SLC27A6: variants seen among roughly 807,000 people sequenced by gnomAD.
SLC27A6 encodes the protein long-chain fatty acid transport protein 6.
SLC27A6 carries 74 observed loss-of-function variants against 63.9 expected under a neutral mutation model. The observed-to-expected ratio is 1.16, with a 90% CI of 0.96 to 1.40. SLC27A6 has a LOEUF of 1.40. Ranked by LOEUF, SLC27A6 falls within the 40% of genes most tolerant of loss-of-function variation. SLC27A6 has a pLI of 0.00. For synonymous variants in SLC27A6, 287 were observed against 260.8 expected, an observed-to-expected ratio of 1.10 and a Z score of -0.97; for missense variants, 794 against 732.9, an observed-to-expected ratio of 1.08 and a Z score of -0.96.
rs1225740631 is a variant in SLC27A6, at chr5:128,997,746, C to T, written c.969+7282C>T. Among the ~76,000 whole-genome samples the T allele has an allele frequency of 2.6e-5, 4 of 152,102 alleles. No individual in the cohort carries two copies. The South Asian group carries it at 8.3e-4, about 32-fold the overall frequency. On this transcript the variant is annotated intron_variant, in intron 4 of 9. Transcript: ENST00000262462. ...TTGTAAAATTTCCCAAGAAATTTAGCTTTATGTAGGAAACCATCTGATAGT... is the reference window on the plus strand; with the variant it reads ...TTGTAAAATTTCCCAAGAAATTTAGTTTTATGTAGGAAACCATCTGATAGT...
chr5:128,971,453 G>C (rs577395505), intron 1 of SLC27A6, among the ~76,000 whole-genome samples: 1 of 151,990 alleles, frequency 6.6e-6, no homozygotes, highest in Non-Finnish European at 1.5e-5. Context: ...TGTATTGGGT[G>C]CATATATATT....
rs753987050 is a variant in SLC27A6 at position 129,016,002 on chromosome 5, G to A, written c.1087G>A (p.Ala363Thr). The A allele has an allele frequency of 3.7e-6, 6 of 1,610,412 alleles. No homozygotes were observed. The highest frequency in any genetic ancestry group is 5.1e-6 in the Non-Finnish European group (6 of 1,178,758). Residue 363 changes from alanine (A) to threonine (T), a missense_variant, in exon 5 of 10, where the codon GCT becomes ACT. Transcript: ENST00000262462. ...TATAAAGGTGTGTGAACTTTATGCA[G>A]CTACCGAATCAAGCATATCTTTCAT... Reference protein sequence around the residue: ...GNIKVCELYAATESSISFMNY... With the variant: ...GNIKVCELYATTESSISFMNY...
At chr5:129,024,344 C>T (rs1296511543) in intron 6 of SLC27A6, among the ~76,000 whole-genome samples, 1 of 152,076 alleles carries the variant, frequency 6.6e-6, no homozygotes, top group Non-Finnish European at 1.5e-5. Context: ...ATTTATCACT[C>T]TAGATATAAT....
chr5:128,972,393 G>T (rs187465996), intron 1 of SLC27A6, among the ~76,000 whole-genome samples: 1 of 152,176 alleles, frequency 6.6e-6, no homozygotes, highest in Non-Finnish European at 1.5e-5. Flanking sequence ...TCACTTTCAT[G>T]TACACCAATC....
chr5:128,997,718 T>C (rs1751205245), intron 4 of SLC27A6, among the ~76,000 whole-genome samples: 1 of 152,192 alleles, frequency 6.6e-6, no homozygotes, highest in Non-Finnish European at 1.5e-5. Context: ...ATATATCCCG[T>C]CTTTGTAAAA....
At chr5:128,995,357 A>T (rs1369845528) in intron 4 of SLC27A6, among the ~76,000 whole-genome samples, 1 of 152,200 alleles carries the variant, frequency 6.6e-6, no homozygotes, top group Non-Finnish European at 1.5e-5. Context: ...ATATTGTAGG[A>T]TTAGATATAC....
At chr5:128,982,997 T>C (rs1217221909) in intron 1 of SLC27A6, among the ~76,000 whole-genome samples, 1 of 152,158 alleles carries the variant, frequency 6.6e-6, no homozygotes, top group Non-Finnish European at 1.5e-5. Context: ...TTGCTGCTGC[T>C]TTGTGATCAA....
intron 3 of SLC27A6, 37 bp from the exon 4 acceptor site, chr5:128,990,303 T>A: frequency 1.2e-6 from 2 of 1,600,804 alleles, no homozygotes; most frequent in Non-Finnish European, 1.7e-6. Flanking sequence ...GCCTTTGAAT[T>A]TTTTTCCCTA....
chr5:128,990,853 G>A (rs1359800748), intron 4 of SLC27A6, among the ~76,000 whole-genome samples: 2 of 152,210 alleles, frequency 1.3e-5, no homozygotes, highest in Non-Finnish European at 2.9e-5. Context: ...GCCCGATTGG[G>A]AGCGGCAATG....
At chr5:129,014,930 A>T (rs972153910) in intron 4 of SLC27A6, among the ~76,000 whole-genome samples, 8 of 152,208 alleles carry the variant, frequency 5.3e-5, no homozygotes, top group African/African-American at 1.9e-4. Flanking sequence ...ATTCTTGAGA[A>T]TTCGTAGATT....
rs1456746382 is a variant in SLC27A6 at position 129,023,703 on chromosome 5, G to A, written c.1248G>A (p.Val416=). ...MRNEQGWCIH[V]KKGEPGLLIS... ...ATGAGCAGGGTTGGTGTATTCATGT[G>A]AAAAAAGGTAAGACTTCTATTTGAA... Residue 416 remains valine, a synonymous_variant, in exon 6 of 10, where the codon GTG becomes GTA. Transcript: ENST00000262462. The A allele has an allele frequency of 6.2e-7, 1 of 1,601,168 alleles. No individual in the cohort carries two copies. Among genetic ancestry groups the A allele is most frequent in the Non-Finnish European group, 8.5e-7 (1 of 1,172,912 alleles).
intron 5 of SLC27A6, among the ~76,000 whole-genome samples, chr5:129,019,502 A>G (rs1394225932): frequency 6.6e-6 from 1 of 152,034 alleles, no homozygotes; most frequent in Non-Finnish European, 1.5e-5. Flanking sequence ...ACATCAAAAT[A>G]GTAAGTTCCC....
rs141205950 is a variant in SLC27A6 at position 128,988,831 on chromosome 5, A to T, written c.844+73A>T. On this transcript the variant is annotated intron_variant, in intron 3 of 9. Transcript: ENST00000262462. ...TAGAACAAGTATTTATTAACATTTG[A>T]AGCTGTATCGGTAGAATTTAGAGTG... The T allele has an allele frequency of 1.3e-4, 158 of 1,224,742 alleles. 3 individuals carry two copies. The Admixed American group carries it at 3.3e-3, about 25-fold the overall frequency. 75.9% of individuals were successfully genotyped at this position (1,224,742 alleles called of 1,614,324 possible).
At chr5:129,021,276 T>G (rs552999430) in intron 5 of SLC27A6, among the ~76,000 whole-genome samples, 14 of 151,744 alleles carry the variant, frequency 9.2e-5, no homozygotes, top group African/African-American at 3.4e-4. Flanking sequence ...GGACCTCTTT[T>G]GGGGGCAAGG....
At chr5:128,989,787 G>C (rs970837129) in intron 3 of SLC27A6, among the ~76,000 whole-genome samples, 3 of 151,970 alleles carry the variant, frequency 2.0e-5, no homozygotes. Context: ...AGCCAGGTGT[G>C]GTGGCAGGCA....
At chr5:128,997,518 A>G (rs1426832474) in intron 4 of SLC27A6, among the ~76,000 whole-genome samples, 1 of 152,212 alleles carries the variant, frequency 6.6e-6, no homozygotes, top group East Asian at 1.9e-4. Context: ...CCTGAATGCT[A>G]GTGGAATTAC....
intron 1 of SLC27A6, among the ~76,000 whole-genome samples, chr5:128,973,282 G>C (rs532785739): frequency 5.1e-4 from 77 of 152,260 alleles, no homozygotes; most frequent in Admixed American, 5.2e-4. Flanking sequence ...CTCCCTGCTG[G>C]GAGAACCACT....
chr5:128,984,378 A>AT (rs1580710635), intron 1 of SLC27A6, among the ~76,000 whole-genome samples: 3 of 151,970 alleles, frequency 2.0e-5, no homozygotes, highest in Admixed American at 2.0e-4. Flanking sequence ...AACAGATGAT[A>AT]TTTTTTTCCT....
At position 129,027,166 on chromosome 5, in the gene SLC27A6, CA is replaced by C; in HGVS notation, c.1295del (p.Asn432IlefsTer34). Reference sequence around the variant, plus strand: ...GGACTTCTCATTTCTCGAGTGAATGCAAAAAATCCCTTCTTTGGCTATGCTG... The same window carrying C: ...GGACTTCTCATTTCTCGAGTGAATGCAAAAATCCCTTCTTTGGCTATGCTG... The part of the protein sequence containing the change: ...EPGLLISRVN[A>X]KNPFFGYAGP... On this transcript the variant is annotated frameshift_variant, in exon 7 of 10. Transcript: ENST00000262462. LOFTEE classifies it high-confidence loss of function. 1 of 1,613,332 alleles carries C rather than the reference CA, an allele frequency of 6.2e-7. No homozygotes were observed. The highest frequency in any genetic ancestry group is 1.1e-5 in the South Asian group (1 of 91,066).
Sources: allele counts gnomAD v4.1 joint callset (sites outside exome capture counted in the v4.1 genomes callset), GRCh38; gene constraint gnomAD v4.1.1; transcripts MANE v1.5; gene names NCBI Gene and HGNC (gene_info 2026-07-23, HGNC 2026-07-21).